The following SLC17A3 variants were observed in gnomAD, a reference collection of about 807,000 sequenced individuals.
SLC17A3 encodes the protein solute carrier family 17 member 3.
A neutral mutation model predicts 60.3 loss-of-function variants in SLC17A3; 61 were observed. The ratio of observed to expected loss-of-function variants is 1.01; its 90% confidence interval spans 0.82 to 1.25. SLC17A3 has a LOEUF of 1.25. Ranked by LOEUF, SLC17A3 falls within the 50% of genes most tolerant of loss-of-function variation. SLC17A3 has a pLI of 0.00. For synonymous variants in SLC17A3, 192 were observed against 208.9 expected (o/e 0.92, Z 0.70); for missense variants, 624 against 594.9 (o/e 1.05, Z -0.51).
intron 1 of SLC17A3, among the ~76,000 whole-genome samples, chr6:25,871,520 G>A (rs549530288): frequency 3.3e-5 from 5 of 151,466 alleles, no homozygotes; most frequent in African/African-American, 7.3e-5. Flanking sequence ...ATAGCATTAG[G>A]AGATATACCT....
intron 11 of SLC17A3, among the ~76,000 whole-genome samples, chr6:25,846,141 T>C (rs912596143): frequency 2.0e-5 from 3 of 151,374 alleles, no homozygotes; most frequent in African/African-American, 4.8e-5. Flanking sequence ...TTTCTAGAAA[T>C]TTTGTTTTTT....
chr6:25,868,146 T>C (rs1242661271), intron 2 of SLC17A3, 151 bp downstream of exon 2: 2 of 662,900 alleles, frequency 3.0e-6, no homozygotes, highest in African/African-American at 3.7e-5. Context: ...GTAATTTTTA[T>C]TTCCTTCATA....
chr6:25,849,516 C>T lies in SLC17A3; in HGVS notation c.1272-52G>A, dbSNP rs147457384. On this transcript the variant is annotated intron_variant, in intron 10 of 12. Coordinates refer to ENST00000397060, the MANE Select transcript of SLC17A3 (RefSeq NM_001098486.2). ...TAGATCCAGAGATGTTTGACAGTATCCTTCAGCCCTGATCCATGTATGAAT... is the reference window on the plus strand; with the variant it reads ...TAGATCCAGAGATGTTTGACAGTATTCTTCAGCCCTGATCCATGTATGAAT... The T allele has an allele frequency of 2.3e-3, 2,487 of 1,067,370 alleles. 66 individuals carry two copies. The South Asian group carries it at 0.026, about 11-fold the overall frequency. 66.1% of individuals were successfully genotyped at this position (1,067,370 alleles called of 1,614,324 possible). A position where few individuals can be genotyped will look rare whatever the true frequency, so the allele number is the denominator to read the frequency against.
intron 1 of SLC17A3, among the ~76,000 whole-genome samples, chr6:25,871,164 A>T (rs1047369435): frequency 2.0e-5 from 3 of 152,144 alleles, no homozygotes; most frequent in Admixed American, 2.0e-4. Flanking sequence ...ATTATAAAAC[A>T]TGCTGCTATA....
At chr6:25,846,232 C>T (rs940304551) in intron 11 of SLC17A3, among the ~76,000 whole-genome samples, 2 of 152,166 alleles carry the variant, frequency 1.3e-5, no homozygotes, top group South Asian at 4.1e-4. Flanking sequence ...TAATAAAAAA[C>T]AACCATAATG....
intron 1 of SLC17A3, among the ~76,000 whole-genome samples, chr6:25,873,532 C>T (rs1765678547): frequency 2.0e-5 from 3 of 152,104 alleles, no homozygotes; most frequent in African/African-American, 7.2e-5. Context: ...TTCCCTCCTT[C>T]CCACTGCCCT....
Position 25,850,430 on chromosome 6 carries a change from G to C in SLC17A3, c.993+29C>G, listed in dbSNP as rs118006439. The C allele has an allele frequency of 4.0e-4, 641 of 1,609,960 alleles. 5 individuals are homozygous for C. In the East Asian group the frequency reaches 0.012, roughly 31 times the overall value. On this transcript the variant is annotated intron_variant, in intron 8 of 12. Coordinates refer to ENST00000397060, the MANE Select transcript of SLC17A3 (RefSeq NM_001098486.2). ...AGTAATTGGTCAGCCATGCAAGCAG[G>C]AGAAAGGAAGGGAAGGAAACATACT...
intron 11 of SLC17A3, among the ~76,000 whole-genome samples, chr6:25,846,207 A>G (rs1765172223): frequency 6.6e-6 from 1 of 152,230 alleles, no homozygotes; most frequent in Admixed American, 6.5e-5. Context: ...ATAGATAACC[A>G]GAATTACTTG....
At chr6:25,873,692 G>A (rs1765681485) in intron 1 of SLC17A3, among the ~76,000 whole-genome samples, 1 of 151,964 alleles carries the variant, frequency 6.6e-6, no homozygotes, top group South Asian at 2.1e-4. Flanking sequence ...TGCTTTCTTG[G>A]ACCAGAGCCA....
rs142199271 is a variant in SLC17A3 at position 25,857,613 on chromosome 6, C to A, written c.626-2383G>T. Among the ~76,000 whole-genome samples, 82 of 151,258 alleles carry A rather than the reference C, an allele frequency of 5.4e-4. No homozygotes were observed. The East Asian group carries it at 0.013, about 24-fold the overall frequency. On this transcript the variant is annotated intron_variant, in intron 5 of 12. Coordinates refer to ENST00000397060, the MANE Select transcript of SLC17A3 (RefSeq NM_001098486.2). ...TTTACTTGTGTTGCCTCATTTAAGC[C>A]CTAGTAGTCAGATTTATAATTGAGT...
intron 1 of SLC17A3, among the ~76,000 whole-genome samples, chr6:25,871,653 TA>T (rs1034347103): frequency 4.6e-5 from 7 of 151,258 alleles, no homozygotes; most frequent in East Asian, 3.9e-4. Context: ...AATTAAAAAA[TA>T]AAAAAAAGAC....
chr6:25,855,116 C>G, intron 6 of SLC17A3, 28 bp downstream of exon 6: 1 of 1,436,400 alleles, frequency 7.0e-7, no homozygotes, highest in Non-Finnish European at 9.8e-7. Flanking sequence ...GCATATGAAA[C>G]TCAGGGAACT....
chr6:25,857,594 T>C (rs1268685076), intron 5 of SLC17A3, among the ~76,000 whole-genome samples: 1 of 152,070 alleles, frequency 6.6e-6, no homozygotes, highest in Admixed American at 6.5e-5. Context: ...CTTATTTACT[T>C]GTGTTGCCTC....
chr6:25,868,568 C>T (rs1765578451), intron 1 of SLC17A3, 148 bp from the exon 2 acceptor site: 3 of 616,440 alleles, frequency 4.9e-6, no homozygotes, highest in African/African-American at 1.9e-5. Context: ...CTTGGCTCAA[C>T]ACAACAAGCA....
rs1384180198 is a variant in SLC17A3 at position 25,850,122 on chromosome 6, C to T, written c.1049G>A (p.Gly350Glu). The T allele has an allele frequency of 1.9e-6, 3 of 1,613,562 alleles. No individual in the cohort carries two copies. The highest frequency in any genetic ancestry group is 2.5e-6 in the Non-Finnish European group (3 of 1,179,706). The stretch of plus-strand genomic sequence containing the variant: ...TAGAAGGAAATCTGCCAGATAGCCT[C>T]CCACCATGCCTATGACCCAGGCAAC... ...FIVAWVIGMV[G>E]GYLADFLLTK... Residue 350 changes from glycine (G) to glutamate (E), a missense_variant, in exon 9 of 13, where the codon GGA becomes GAA. Physicochemically the swap from Gly to Glu is moderately conservative, Grantham distance 98. Transcript: ENST00000397060.
intron 11 of SLC17A3, among the ~76,000 whole-genome samples, chr6:25,847,906 T>C (rs1765205323): frequency 6.6e-6 from 1 of 152,094 alleles, no homozygotes; most frequent in Admixed American, 6.6e-5. Flanking sequence ...TTCCCACACC[T>C]TCCCCCTGAG....
chr6:25,862,580 T>C (rs1381609590), intron 2 of SLC17A3, 136 bp from the exon 3 acceptor site: 2 of 781,618 alleles, frequency 2.6e-6, no homozygotes, highest in Non-Finnish European at 4.3e-6. Context: ...GTTGGCTTTA[T>C]GAAAGGAAGA....
At chr6:25,873,673 T>C (rs1765681172) in intron 1 of SLC17A3, among the ~76,000 whole-genome samples, 1 of 152,096 alleles carries the variant, frequency 6.6e-6, no homozygotes. Context: ...GATGCAGCAT[T>C]TCTCCAGATG....
At chr6:25,873,241 C>A (rs1187695460) in intron 1 of SLC17A3, among the ~76,000 whole-genome samples, 1 of 152,060 alleles carries the variant, frequency 6.6e-6, no homozygotes, top group Non-Finnish European at 1.5e-5. Context: ...CCTGTCTACA[C>A]CTTGGCTTTA....
Sources: allele counts gnomAD v4.1 joint callset (sites outside exome capture counted in the v4.1 genomes callset), GRCh38; gene constraint gnomAD v4.1.1; transcripts MANE v1.5; gene names NCBI Gene and HGNC (gene_info 2026-07-23, HGNC 2026-07-21).